Variants in CAST observed in about 807,000 individuals in gnomAD.
The protein encoded by CAST is MIR583 host.
Under a neutral mutation model 119.6 loss-of-function variants are expected in CAST, and 76 were observed. That is an observed-to-expected ratio of 0.64 (90% CI 0.53 to 0.77). The LOEUF (loss-of-function observed/expected upper bound fraction) is 0.77. Among genes scored for constraint, CAST ranks in the 30% least tolerant of loss-of-function variants. The pLI is 0.00. For synonymous variants in CAST, 319 were observed against 331.6 expected, an observed-to-expected ratio of 0.96 and a Z score of 0.41; for missense variants, 953 against 946.5, an observed-to-expected ratio of 1.01 and a Z score of -0.09.
chr5:96,512,873 A>AT, the CAST span, among the ~76,000 whole-genome samples: 2 of 152,196 alleles, frequency 1.3e-5, no homozygotes, highest in African/African-American at 2.4e-5. Flanking sequence ...ACAAACGAAG[A>AT]TTTTTTTCAG....
the CAST span, among the ~76,000 whole-genome samples, chr5:96,175,292 G>T: frequency 6.6e-6 from 1 of 152,100 alleles, no homozygotes; most frequent in South Asian, 2.1e-4. Context: ...TCAGTTCTGG[G>T]CAACCAGTGC....
intron 1 of CAST, among the ~76,000 whole-genome samples, chr5:96,574,834 A>G (rs1044912163): frequency 6.6e-6 from 1 of 152,196 alleles, no homozygotes; most frequent in Admixed American, 6.5e-5. Context: ...GCACCATACG[A>G]AACAGCACAT....
the CAST span, among the ~76,000 whole-genome samples, chr5:96,487,298 C>G: frequency 6.6e-6 from 1 of 152,178 alleles, no homozygotes; most frequent in Non-Finnish European, 1.5e-5. Context: ...AAGACTCTCC[C>G]TTGAGGCTAG....
At chr5:96,663,297 G>C (rs1748837937) in intron 1 of CAST, 4 of 692,650 alleles carry the variant, frequency 5.8e-6, no homozygotes, top group Non-Finnish European at 7.9e-6. Flanking sequence ...GTGCGGACCG[G>C]GTGCGACCTC....
intron 3 of CAST, among the ~76,000 whole-genome samples, chr5:96,706,875 A>G (rs987421262): frequency 5.3e-5 from 8 of 152,170 alleles, no homozygotes; most frequent in Non-Finnish European, 1.2e-4. Flanking sequence ...TGTCAGTAAC[A>G]TCTAAGATTT....
the CAST span, among the ~76,000 whole-genome samples, chr5:96,226,496 C>T: frequency 6.6e-6 from 1 of 151,824 alleles, no homozygotes; most frequent in Non-Finnish European, 1.5e-5. Flanking sequence ...ATAAAAAATA[C>T]AAAAAATTAG....
the CAST span, among the ~76,000 whole-genome samples, chr5:96,412,752 G>GTTTTTTTTTTGTTGTTT: frequency 1.5e-4 from 11 of 71,836 alleles, no homozygotes; most frequent in African/African-American, 9.0e-4. Context: ...CAGCTGTGAT[G>GTTTTTTTTTTGTTGTTT]TTTTTTTTTT....
intron 4 of CAST, 49 bp downstream of exon 4, chr5:96,722,747 G>A (rs772666179): frequency 1.5e-6 from 2 of 1,336,508 alleles, no homozygotes; most frequent in Non-Finnish European, 2.2e-6. Flanking sequence ...TGATTGTGCT[G>A]CAAAGCAAAA....
intron 3 of CAST, among the ~76,000 whole-genome samples, chr5:96,699,141 G>A (rs915876891): frequency 1.3e-5 from 2 of 152,186 alleles, no homozygotes; most frequent in African/African-American, 4.8e-5. Context: ...AGATGAGGCT[G>A]CGGAAATTAT....
the CAST span, among the ~76,000 whole-genome samples, chr5:96,232,824 G>A: frequency 0.18 from 27,361 of 151,876 alleles, 4,014 homozygotes; most frequent in African/African-American, 0.4. Context: ...CATGGATAGA[G>A]AGATTCATAA....
the CAST span, among the ~76,000 whole-genome samples, chr5:96,244,532 A>T: frequency 6.6e-6 from 1 of 152,150 alleles, no homozygotes; most frequent in South Asian, 2.1e-4. Context: ...TCACCACCAA[A>T]ATTATAGATA....
chr5:96,469,644 T>G, the CAST span, among the ~76,000 whole-genome samples: 1 of 151,888 alleles, frequency 6.6e-6, no homozygotes, highest in Admixed American at 6.6e-5. Context: ...GAAAGAGAAC[T>G]GTCAAAATGA....
At chr5:96,284,129 A>G in the CAST span, among the ~76,000 whole-genome samples, 69 of 152,292 alleles carry the variant, frequency 4.5e-4, no homozygotes, top group African/African-American at 1.5e-3. Flanking sequence ...TTCACAGAGG[A>G]AAAAAGGAAA....
intron 1 of CAST, among the ~76,000 whole-genome samples, chr5:96,599,244 G>C (rs1038825988): frequency 1.1e-4 from 17 of 152,182 alleles, no homozygotes; most frequent in African/African-American, 4.1e-4. Flanking sequence ...CTTAACTTAG[G>C]GGGTGAAAGA....
intron 3 of CAST, among the ~76,000 whole-genome samples, chr5:96,718,505 T>G (rs1358042366): frequency 6.6e-6 from 1 of 151,884 alleles, no homozygotes; most frequent in Non-Finnish European, 1.5e-5. Context: ...GCAGTTTACC[T>G]GTTTAACAAA....
chr5:96,296,195 C>T, the CAST span, among the ~76,000 whole-genome samples: 1 of 152,190 alleles, frequency 6.6e-6, no homozygotes, highest in Non-Finnish European at 1.5e-5. Flanking sequence ...TACAATGTTT[C>T]CTTCTACAGG....
At chr5:96,568,984 C>T (rs746297343) in intron 1 of CAST, among the ~76,000 whole-genome samples, 4 of 152,166 alleles carry the variant, frequency 2.6e-5, no homozygotes, top group Non-Finnish European at 5.9e-5. Flanking sequence ...GCAGCAGCTA[C>T]GCTCTGCTCA....
the CAST span, among the ~76,000 whole-genome samples, chr5:96,430,340 A>G: frequency 1.3e-5 from 2 of 152,344 alleles, no homozygotes; most frequent in East Asian, 1.9e-4. Flanking sequence ...ACAGTTGACA[A>G]CAGTATATTA....
the CAST span, chr5:96,079,037 A>T: frequency 2.3e-6 from 1 of 432,688 alleles, no homozygotes; most frequent in Non-Finnish European, 4.7e-6. Flanking sequence ...AAACCCCATG[A>T]TACAAGTTTA....
Sources: gnomAD v4.1 joint callset for allele counts (sites outside exome capture counted in the v4.1 genomes callset) on GRCh38, gnomAD v4.1.1 for gene constraint, MANE v1.5 for transcripts, NCBI Gene and HGNC (gene_info 2026-07-23, HGNC 2026-07-21) for gene names.